Variants in FBRSL1 observed in about 807,000 individuals in gnomAD.
FBRSL1 encodes the protein fibrosin like 1, also known as fibrosin-1-like protein.
In FBRSL1, 51 loss-of-function variants were observed where a neutral mutation model predicts 89.6. The ratio of observed to expected loss-of-function variants is 0.57; its 90% confidence interval spans 0.45 to 0.72. The LOEUF (loss-of-function observed/expected upper bound fraction) is 0.72, where lower values mean the gene tolerates loss of function less well. Among genes scored for constraint, FBRSL1 ranks in the 30% least tolerant of loss-of-function variants. FBRSL1 has a pLI of 0.00. For synonymous variants in FBRSL1, 779 were observed against 681.1 expected (o/e 1.14, Z -2.24); for missense variants, 1,618 against 1,451.8 (o/e 1.11, Z -1.86).
chr12:132,576,722 T>G, intron 14 of FBRSL1, 77 bp from the exon 15 acceptor site: 1 of 1,480,892 alleles, frequency 6.8e-7, no homozygotes, highest in East Asian at 2.5e-5. Context: ...CCAGTCCCTG[T>G]GGCCCCTCAG....
intron 5 of FBRSL1, among the ~76,000 whole-genome samples, chr12:132,560,410 C>T (rs2039015669): frequency 6.6e-6 from 1 of 151,872 alleles, no homozygotes. Context: ...TGGCGGCGGG[C>T]GGGCGGGGGT....
chr12:132,533,666 G>A (rs202175185), intron 4 of FBRSL1, among the ~76,000 whole-genome samples: 12 of 152,304 alleles, frequency 7.9e-5, no homozygotes, highest in East Asian at 7.7e-4. Flanking sequence ...CCTGTCCCTC[G>A]TCTGCCACCC....
intron 1 of FBRSL1, among the ~76,000 whole-genome samples, chr12:132,501,323 C>A (rs933798941): frequency 2.0e-5 from 3 of 152,240 alleles, no homozygotes; most frequent in African/African-American, 4.8e-5. Context: ...TCCTCGCGCC[C>A]CAGGCCTGTG....
At chr12:132,498,139 C>G (rs1416153938) in intron 1 of FBRSL1, among the ~76,000 whole-genome samples, 3 of 152,124 alleles carry the variant, frequency 2.0e-5, no homozygotes, top group African/African-American at 2.4e-5. Flanking sequence ...GGGGAGGTGG[C>G]TGGCAGGGAA....
chr12:132,555,690 G>A (rs924842677), intron 5 of FBRSL1, among the ~76,000 whole-genome samples: 1 of 152,232 alleles, frequency 6.6e-6, no homozygotes, highest in Non-Finnish European at 1.5e-5. Flanking sequence ...TCCCTGGCTG[G>A]TGGTTGCATT....
chr12:132,508,376 A>G, intron 2 of FBRSL1, 26 bp downstream of exon 2: 13 of 1,394,860 alleles, frequency 9.3e-6, no homozygotes, highest in Non-Finnish European at 1.2e-5. Flanking sequence ...CCCGACCGGA[A>G]GCTCTGCGGC....
chr12:132,507,351 C>T, intron 1 of FBRSL1: 7 of 985,450 alleles, frequency 7.1e-6, no homozygotes, highest in Non-Finnish European at 7.2e-6. Context: ...TCTGTCTGCA[C>T]CAGCCCTGGT....
At position 132,510,694 on chromosome 12, in the gene FBRSL1, G is replaced by A. The variant is rs546175122; in HGVS notation, c.489+2344G>A. 2.1e-5 allele frequency: 26 copies of A among 1,223,616 alleles called. No individual in the cohort carries two copies. The Middle Eastern group carries it at 1.3e-3, about 59-fold the overall frequency. 75.8% of individuals were successfully genotyped at this position (1,223,616 alleles called of 1,614,324 possible). On this transcript the variant is annotated intron_variant, in intron 2 of 18. Transcript: ENST00000680143. ...CCACACCAGGAAGAGAGATGAACCC[G>A]CGTCTGCCTGCCGCCCCGCCATGCT...
intron 2 of FBRSL1, among the ~76,000 whole-genome samples, chr12:132,515,200 C>T (rs1322660007): frequency 6.6e-6 from 1 of 152,194 alleles, no homozygotes; most frequent in East Asian, 1.9e-4. Flanking sequence ...ACCCAGGATG[C>T]ACCCCTCACT....
intron 2 of FBRSL1, among the ~76,000 whole-genome samples, chr12:132,514,788 AGT>A (rs1369069915): frequency 1.3e-5 from 2 of 152,168 alleles, no homozygotes; most frequent in Non-Finnish European, 2.9e-5. Context: ...GTTTAATAGG[AGT>A]GTTATGTGAG....
chr12:132,547,790 G>A (rs565471007), intron 4 of FBRSL1, among the ~76,000 whole-genome samples: 1 of 152,308 alleles, frequency 6.6e-6, no homozygotes, highest in South Asian at 2.1e-4. Flanking sequence ...TCCCACCCGG[G>A]GGGCTGTGAT....
At chr12:132,561,646 C>G (rs1291207434) in intron 5 of FBRSL1, among the ~76,000 whole-genome samples, 1 of 152,102 alleles carries the variant, frequency 6.6e-6, no homozygotes, top group African/African-American at 2.4e-5. Flanking sequence ...GGCCTGCTGC[C>G]CCAACCACAG....
chr12:132,516,844 TCA>T (rs1417057146), intron 2 of FBRSL1, among the ~76,000 whole-genome samples: 1 of 152,264 alleles, frequency 6.6e-6, no homozygotes, highest in African/African-American at 2.4e-5. Flanking sequence ...TTTCTGGGCC[TCA>T]GTTTTCCTGT....
At chr12:132,545,956 C>T (rs1001739183) in intron 4 of FBRSL1, among the ~76,000 whole-genome samples, 2 of 152,222 alleles carry the variant, frequency 1.3e-5, no homozygotes, top group African/African-American at 4.8e-5. Context: ...GCTGGTGGGG[C>T]TGCCTCCTGT....
intron 18 of FBRSL1, among the ~76,000 whole-genome samples, chr12:132,582,467 A>T (rs1056382835): frequency 1.6e-5 from 2 of 124,464 alleles, no homozygotes; most frequent in African/African-American, 6.3e-5. Flanking sequence ...CTGCGCACTC[A>T]CAGTCTGTCC....
intron 1 of FBRSL1, among the ~76,000 whole-genome samples, chr12:132,493,132 C>A (rs1365529083): frequency 6.6e-6 from 1 of 152,236 alleles, no homozygotes; most frequent in East Asian, 1.9e-4. Flanking sequence ...CTGGGTGCCA[C>A]GCCTGTCCGG....
chr12:132,530,818 T>G (rs1347477283), intron 4 of FBRSL1, among the ~76,000 whole-genome samples: 1 of 151,724 alleles, frequency 6.6e-6, no homozygotes, highest in Non-Finnish European at 1.5e-5. Flanking sequence ...GGGAGGACCC[T>G]GAGGGCTGCA....
intron 1 of FBRSL1, among the ~76,000 whole-genome samples, chr12:132,494,215 A>G (rs2031613514): frequency 6.6e-6 from 1 of 152,062 alleles, no homozygotes; most frequent in African/African-American, 2.4e-5. Flanking sequence ...TTCCTGTGAC[A>G]ACTCTGTCCC....
At chr12:132,572,212 G>A in intron 9 of FBRSL1, 76 bp from the exon 10 acceptor site, 2 of 1,392,896 alleles carry the variant, frequency 1.4e-6, no homozygotes, top group Non-Finnish European at 2.0e-6. Flanking sequence ...GCCCAGCCCG[G>A]CCAGGTGGGC....
Sources: gnomAD v4.1 joint callset for allele counts (sites outside exome capture counted in the v4.1 genomes callset) on GRCh38, gnomAD v4.1.1 for gene constraint, MANE v1.5 for transcripts, NCBI Gene and HGNC (gene_info 2026-07-23, HGNC 2026-07-21) for gene names.